Variants in PIP4P2 observed in about 807,000 individuals in gnomAD.
The protein encoded by PIP4P2 is type 2 phosphatidylinositol 4,5-bisphosphate 4-phosphatase.
Under a neutral mutation model 33.3 loss-of-function variants are expected in PIP4P2, and 19 were observed. That is an observed-to-expected ratio of 0.57 (90% CI 0.40 to 0.84). PIP4P2 has a LOEUF of 0.84. Ranked by LOEUF, PIP4P2 falls within the 40% of genes least tolerant of loss-of-function variation. The pLI is 0.00. For missense variants in PIP4P2, 270 were observed against 324.7 expected, an observed-to-expected ratio of 0.83 and a Z score of 1.29; for synonymous variants, 110 against 111.9, an observed-to-expected ratio of 0.98 and a Z score of 0.11.
intron 4 of PIP4P2, among the ~76,000 whole-genome samples, chr8:91,017,878 A>G (rs1371555105): frequency 6.6e-6 from 1 of 152,210 alleles, no homozygotes; most frequent in East Asian, 1.9e-4. Context: ...CTCATATCAA[A>G]TTACTTATAC....
At chr8:91,021,558 G>T in intron 1 of PIP4P2, 154 bp from the exon 2 acceptor site, 2 of 793,784 alleles carry the variant, frequency 2.5e-6, no homozygotes, top group Non-Finnish European at 3.8e-6. Flanking sequence ...TACTTTTAGA[G>T]CACAAACATC....
rs144873607 is a variant in PIP4P2, at chr8:91,015,157, CT to C, written c.486+3232del. 1.8e-3 allele frequency among the ~76,000 whole-genome samples: 275 copies of C among 152,262 alleles called. 2 individuals carry two copies. The highest frequency in any genetic ancestry group is 0.01 in the Middle Eastern group (3 of 294). On this transcript the variant is annotated intron_variant, in intron 4 of 6. Transcript: ENST00000285419. ...TGAAAAGCGTGTAAGAGCTTCACCC[CT>C]ATTACCTCTCTTAGCTCCTAAAAGG...
intron 1 of PIP4P2, among the ~76,000 whole-genome samples, chr8:91,033,487 C>G (rs1166436194): frequency 1.3e-5 from 2 of 152,160 alleles, no homozygotes; most frequent in Non-Finnish European, 2.9e-5. Context: ...TACCCTGGTC[C>G]CCTGTTGCCT....
intron 4 of PIP4P2, among the ~76,000 whole-genome samples, chr8:91,012,930 C>A (rs532567167): frequency 2.6e-5 from 4 of 152,294 alleles, no homozygotes; most frequent in East Asian, 3.9e-4. Context: ...CCAGATGATT[C>A]TAAAAATTAA....
chr8:91,038,644 G>A (rs1422414199), intron 1 of PIP4P2, among the ~76,000 whole-genome samples: 3 of 152,156 alleles, frequency 2.0e-5, no homozygotes, highest in African/African-American at 7.2e-5. Flanking sequence ...AATAGTGGTG[G>A]TCTTCCAGAT....
At chr8:91,040,068 G>A (rs1435791743) in intron 1 of PIP4P2, among the ~76,000 whole-genome samples, 1 of 152,036 alleles carries the variant, frequency 6.6e-6, no homozygotes, top group East Asian at 1.9e-4. Flanking sequence ...TAAAAAGGAG[G>A]GGCAGGAATT....
At chr8:91,030,947 C>T (rs1218986338) in intron 1 of PIP4P2, among the ~76,000 whole-genome samples, 1 of 152,150 alleles carries the variant, frequency 6.6e-6, no homozygotes, top group Non-Finnish European at 1.5e-5. Flanking sequence ...GCACTGCTCC[C>T]ATTGAGAGGT....
intron 5 of PIP4P2, among the ~76,000 whole-genome samples, chr8:91,006,487 C>A (rs1811765215): frequency 6.6e-6 from 1 of 152,058 alleles, no homozygotes; most frequent in Non-Finnish European, 1.5e-5. Flanking sequence ...AAAATATTGC[C>A]ATTGTACGAA....
At chr8:91,014,448 T>A (rs1365779960) in intron 4 of PIP4P2, among the ~76,000 whole-genome samples, 1 of 152,146 alleles carries the variant, frequency 6.6e-6, no homozygotes, top group Non-Finnish European at 1.5e-5. Flanking sequence ...TGTAACAACA[T>A]GTATTAACCT....
At chr8:91,023,273 C>T (rs1343175948) in intron 1 of PIP4P2, among the ~76,000 whole-genome samples, 1 of 151,642 alleles carries the variant, frequency 6.6e-6, no homozygotes, top group Admixed American at 6.6e-5. Context: ...TGTACAGTAA[C>T]ATTACATAGT....
chr8:91,040,523 C>T (rs1016710811), intron 1 of PIP4P2, 121 bp downstream of exon 1: 48 of 1,158,732 alleles, frequency 4.1e-5, no homozygotes, highest in Admixed American at 6.1e-5. Flanking sequence ...AGCATCCTTC[C>T]TCAGCCCAAG....
intron 4 of PIP4P2, among the ~76,000 whole-genome samples, chr8:91,014,766 C>CACACACACAT (rs1397716912): frequency 1.2e-4 from 18 of 150,332 alleles, no homozygotes; most frequent in Non-Finnish European, 2.4e-4. Flanking sequence ...AAGACACACA[C>CACACACACAT]ACACACACAC....
intron 1 of PIP4P2, among the ~76,000 whole-genome samples, chr8:91,022,581 G>T (rs575813567): frequency 2.0e-5 from 3 of 152,042 alleles, no homozygotes; most frequent in Non-Finnish European, 4.4e-5. Flanking sequence ...ATCTCAAGAG[G>T]CTTCTGTAAC....
intron 1 of PIP4P2, among the ~76,000 whole-genome samples, chr8:91,036,440 C>T (rs1047868978): frequency 2.0e-5 from 3 of 152,160 alleles, no homozygotes; most frequent in African/African-American, 7.2e-5. Flanking sequence ...CACACCATGA[C>T]GTTGCATAGC....
At chr8:91,014,266 G>A (rs1811881480) in intron 4 of PIP4P2, among the ~76,000 whole-genome samples, 1 of 152,130 alleles carries the variant, frequency 6.6e-6, no homozygotes, top group African/African-American at 2.4e-5. Context: ...GGAGGCTGGG[G>A]TAAGGATAAA....
chr8:91,008,943 C>T (rs929344687), intron 4 of PIP4P2, 148 bp from the exon 5 acceptor site: 1 of 550,008 alleles, frequency 1.8e-6, no homozygotes, highest in African/African-American at 1.9e-5. Context: ...CCCTCCAATA[C>T]TTCTCTCCCT....
chr8:91,028,590 G>C (rs116688471), intron 1 of PIP4P2, among the ~76,000 whole-genome samples: 1,568 of 152,260 alleles, frequency 0.01, 25 homozygotes, highest in African/African-American at 0.035. Flanking sequence ...TATACAATTG[G>C]AACAAATATT....
At position 90,994,981 on chromosome 8, in the gene PIP4P2, A is replaced by C. The variant is rs1261818690; in HGVS notation, c.*696T>G. 1 of 152,192 alleles carries C rather than the reference A, an allele frequency of 6.6e-6. No individual in the cohort carries two copies. Among genetic ancestry groups the C allele is most frequent in the Non-Finnish European group, 1.5e-5 (1 of 67,958 alleles). 9.4% of individuals were successfully genotyped at this position (152,192 alleles called of 1,614,324 possible). A position where few individuals can be genotyped will look rare whatever the true frequency, so the allele number is the denominator to read the frequency against. On this transcript the variant is annotated 3_prime_UTR_variant, in exon 7 of 7. Transcript: ENST00000285419. Reference sequence around the variant, plus strand: ...TAAAAAGGCAAAAATGAAAGACAAAAGTCCTGTGATCTTTGAGAAAAGACA... The same window carrying C: ...TAAAAAGGCAAAAATGAAAGACAAACGTCCTGTGATCTTTGAGAAAAGACA...
chr8:91,008,727 A>G lies in PIP4P2; in HGVS notation c.539+16T>C, dbSNP rs772688720. The G allele has an allele frequency of 9.3e-6, 15 of 1,606,660 alleles. No homozygotes were observed. The highest frequency in any genetic ancestry group is 2.2e-5 in the East Asian group (1 of 44,770). On this transcript the variant is annotated intron_variant, in intron 5 of 6. Transcript: ENST00000285419. ...CAAGTATTTCTCAATAATATTTCCA[A>G]TGGTAGGGAACTTACATTTTTTTGC...
Sources: gnomAD v4.1 joint callset for allele counts (sites outside exome capture counted in the v4.1 genomes callset) on GRCh38, gnomAD v4.1.1 for gene constraint, MANE v1.5 for transcripts, NCBI Gene and HGNC (gene_info 2026-07-23, HGNC 2026-07-21) for gene names.